Variants in FRMD4A observed in about 807,000 individuals in gnomAD.
FRMD4A encodes the protein FERM domain containing 4A.
FRMD4A carries 29 observed loss-of-function variants against 129.1 expected under a neutral mutation model. That is an observed-to-expected ratio of 0.22 (90% CI 0.17 to 0.31). The LOEUF is 0.31. Among genes scored for constraint, FRMD4A ranks in the 10% least tolerant of loss-of-function variants. FRMD4A has a pLI of 1.00. For missense variants in FRMD4A, 1,272 were observed against 1,375.8 expected, an observed-to-expected ratio of 0.92 and a Z score of 1.19; for synonymous variants, 634 against 571.6, an observed-to-expected ratio of 1.11 and a Z score of -1.56.
intron 2 of FRMD4A, among the ~76,000 whole-genome samples, chr10:14,220,435 G>A (rs796382159): frequency 3.9e-4 from 60 of 152,338 alleles, no homozygotes; most frequent in African/African-American, 1.4e-3. Context: ...GGGAGGTGAT[G>A]TTCCCCATTA....
chr10:13,914,024 T>C (rs1365008436), intron 2 of FRMD4A, among the ~76,000 whole-genome samples: 1 of 152,110 alleles, frequency 6.6e-6, no homozygotes, highest in Non-Finnish European at 1.5e-5. Flanking sequence ...CCAACACCCC[T>C]CTCCCTCCCT....
intron 6 of FRMD4A, among the ~76,000 whole-genome samples, chr10:13,778,345 A>G (rs1011587463): frequency 2.6e-5 from 4 of 152,186 alleles, no homozygotes. Flanking sequence ...AAGTACCTGG[A>G]ACTGCATTAT....
At chr10:14,047,207 T>TC (rs2131681241) in intron 2 of FRMD4A, among the ~76,000 whole-genome samples, 1 of 152,324 alleles carries the variant, frequency 6.6e-6, no homozygotes, top group African/African-American at 2.4e-5. Context: ...ACCGTCTCTA[T>TC]CCTTTGGAAT....
chr10:14,065,081 C>T (rs1180331153), intron 2 of FRMD4A, among the ~76,000 whole-genome samples: 3 of 152,108 alleles, frequency 2.0e-5, no homozygotes, highest in Admixed American at 1.3e-4. Flanking sequence ...GTTGTGGGCT[C>T]GTGGGGTCCT....
intron 2 of FRMD4A, among the ~76,000 whole-genome samples, chr10:14,110,619 G>C (rs1837849704): frequency 6.7e-6 from 1 of 148,606 alleles, no homozygotes; most frequent in African/African-American, 2.5e-5. Context: ...TATTAGAGCA[G>C]CTTTCTTGCT....
At chr10:14,125,823 T>A (rs1272467966) in intron 2 of FRMD4A, among the ~76,000 whole-genome samples, 3 of 151,292 alleles carry the variant, frequency 2.0e-5, no homozygotes, top group Middle Eastern at 3.4e-3. Context: ...AGTGCAAGCA[T>A]TAGTAGGTAA....
intron 2 of FRMD4A, among the ~76,000 whole-genome samples, chr10:14,267,514 C>T (rs1244601217): frequency 6.6e-6 from 1 of 152,182 alleles, no homozygotes; most frequent in African/African-American, 2.4e-5. Flanking sequence ...CCTTATTTTA[C>T]TCATACACCA....
At position 14,124,608 on chromosome 10, in the gene FRMD4A, G is replaced by T. The variant is rs144656674; in HGVS notation, c.45+205450C>A. Among the ~76,000 whole-genome samples the T allele has an allele frequency of 8.8e-4, 134 of 152,198 alleles. 4 individuals are homozygous for T. The East Asian group carries it at 0.024, about 27-fold the overall frequency. On this transcript the variant is annotated intron_variant, in intron 2 of 24. Coordinates refer to ENST00000357447, the MANE Select transcript of FRMD4A (RefSeq NM_018027.5). ...GGAGAATCTCGTGAACCCAGGAGGCGGAGGTTGCAGTGAGCCGAGATCATG... is the reference window on the plus strand; with the variant it reads ...GGAGAATCTCGTGAACCCAGGAGGCTGAGGTTGCAGTGAGCCGAGATCATG...
intron 3 of FRMD4A, among the ~76,000 whole-genome samples, chr10:13,816,008 G>A (rs989171706): frequency 1.3e-5 from 2 of 152,172 alleles, no homozygotes; most frequent in Non-Finnish European, 2.9e-5. Context: ...TGAAGTCAAG[G>A]AAAAGGCTCT....
At chr10:14,119,914 T>C (rs1337305488) in intron 2 of FRMD4A, among the ~76,000 whole-genome samples, 2 of 151,886 alleles carry the variant, frequency 1.3e-5, no homozygotes. Flanking sequence ...CTATAAAATA[T>C]GGGTTAATTT....
At chr10:13,666,591 G>A (rs1028421409) in intron 17 of FRMD4A, among the ~76,000 whole-genome samples, 5 of 152,200 alleles carry the variant, frequency 3.3e-5, no homozygotes, top group Admixed American at 3.3e-4. Flanking sequence ...TTTAGGGATC[G>A]CTTGGCTGTG....
chr10:14,195,363 T>A (rs560687924), intron 2 of FRMD4A, among the ~76,000 whole-genome samples: 1 of 152,020 alleles, frequency 6.6e-6, no homozygotes, highest in East Asian at 1.9e-4. Context: ...TAGGAGGGAA[T>A]CACATCTGCC....
At chr10:14,074,108 C>CA (rs199821505) in intron 2 of FRMD4A, among the ~76,000 whole-genome samples, 6 of 152,136 alleles carry the variant, frequency 3.9e-5, no homozygotes, top group Admixed American at 2.6e-4. Flanking sequence ...AAGATAGTCT[C>CA]AAAAAAAATT....
intron 2 of FRMD4A, among the ~76,000 whole-genome samples, chr10:14,014,084 T>C (rs1405796794): frequency 1.3e-5 from 2 of 152,086 alleles, no homozygotes; most frequent in Non-Finnish European, 2.9e-5. Context: ...TGGGTGGGGA[T>C]GCAGGGGAAG....
chr10:13,908,266 AAGAG>A (rs979736081), intron 2 of FRMD4A, among the ~76,000 whole-genome samples: 8 of 151,748 alleles, frequency 5.3e-5, no homozygotes, highest in African/African-American at 1.7e-4. Context: ...TATTGAAAGC[AAGAG>A]AGAGAGAGCT....
chr10:13,718,459 G>A (rs2089087129), intron 12 of FRMD4A, among the ~76,000 whole-genome samples: 1 of 152,238 alleles, frequency 6.6e-6, no homozygotes, highest in African/African-American at 2.4e-5. Flanking sequence ...GCTGCGGCTG[G>A]GCCACGGTCT....
At chr10:14,178,497 G>T (rs1319825122) in intron 2 of FRMD4A, among the ~76,000 whole-genome samples, 1 of 152,182 alleles carries the variant, frequency 6.6e-6, no homozygotes, top group Non-Finnish European at 1.5e-5. Flanking sequence ...TTTAAATACT[G>T]ATGACTGCAC....
intron 12 of FRMD4A, among the ~76,000 whole-genome samples, chr10:13,730,525 A>G (rs1255032931): frequency 6.6e-6 from 1 of 152,112 alleles, no homozygotes; most frequent in Non-Finnish European, 1.5e-5. Flanking sequence ...AACTAAGACG[A>G]AACTTGGGAT....
At chr10:13,686,661 G>C (rs1394666941) in intron 15 of FRMD4A, among the ~76,000 whole-genome samples, 2 of 152,156 alleles carry the variant, frequency 1.3e-5, no homozygotes, top group African/African-American at 4.8e-5. Flanking sequence ...TCCATCACCA[G>C]ATTCTTCGCA....
Sources: allele counts gnomAD v4.1 joint callset (sites outside exome capture counted in the v4.1 genomes callset), GRCh38; gene constraint gnomAD v4.1.1; transcripts MANE v1.5; gene names NCBI Gene and HGNC (gene_info 2026-07-23, HGNC 2026-07-21).